Variants in WDFY1 observed in about 807,000 individuals in gnomAD.
The protein encoded by WDFY1 is WD repeat and FYVE domain containing 1.
In WDFY1, 32 loss-of-function variants were observed where a neutral mutation model predicts 56.4. The observed-to-expected ratio is 0.57, with a 90% CI of 0.43 to 0.76. The LOEUF is 0.76. WDFY1 is among the 30% of genes least tolerant of loss of function. The pLI is 0.00. For missense variants in WDFY1, 480 were observed against 545.7 expected (o/e 0.88, Z 1.20); for synonymous variants, 192 against 197.3 (o/e 0.97, Z 0.23).
intron 1 of WDFY1, among the ~76,000 whole-genome samples, chr2:223,937,093 G>A (rs895550322): frequency 6.6e-6 from 1 of 152,122 alleles, no homozygotes; most frequent in South Asian, 2.1e-4. Context: ...AATATAGCAG[G>A]GGAAAGATGT....
At chr2:223,929,652 T>TA (rs1215927576) in intron 1 of WDFY1, among the ~76,000 whole-genome samples, 4 of 151,860 alleles carry the variant, frequency 2.6e-5, no homozygotes, top group African/African-American at 4.8e-5. Context: ...TAAAAAAAAT[T>TA]TAAAAAAATA....
At chr2:223,926,181 C>T (rs1424421736) in intron 1 of WDFY1, among the ~76,000 whole-genome samples, 1 of 152,156 alleles carries the variant, frequency 6.6e-6, no homozygotes, top group Non-Finnish European at 1.5e-5. Context: ...GGGTCTCCCT[C>T]GGTTACTCAG....
chr2:223,896,396 A>C (rs1693377899), intron 6 of WDFY1, among the ~76,000 whole-genome samples: 1 of 152,140 alleles, frequency 6.6e-6, no homozygotes. Flanking sequence ...TTTTACCCCA[A>C]GATGTCTATG....
chr2:223,879,285 A>C (rs1261995719), intron 11 of WDFY1, among the ~76,000 whole-genome samples: 2 of 152,244 alleles, frequency 1.3e-5, no homozygotes, highest in Non-Finnish European at 2.9e-5. Context: ...AAATCATAAT[A>C]ATGTTTTAGT....
chr2:223,934,891 T>C (rs1306966928), intron 1 of WDFY1, among the ~76,000 whole-genome samples: 1 of 152,192 alleles, frequency 6.6e-6, no homozygotes, highest in Non-Finnish European at 1.5e-5. Flanking sequence ...GTAAGAGCTA[T>C]GAGGACAGAA....
chr2:223,911,236 G>A (rs748172943), intron 3 of WDFY1, among the ~76,000 whole-genome samples: 2 of 152,090 alleles, frequency 1.3e-5, no homozygotes, highest in Non-Finnish European at 2.9e-5. Flanking sequence ...AGGAGCTGGG[G>A]GAAGGGGCAA....
chr2:223,895,694 C>G, intron 6 of WDFY1, 64 bp from the exon 7 acceptor site: 1 of 1,585,766 alleles, frequency 6.3e-7, no homozygotes. Flanking sequence ...AACTCTACAT[C>G]AGGACGTATA....
chr2:223,897,672 G>A (rs1693421184), intron 6 of WDFY1, among the ~76,000 whole-genome samples: 1 of 151,998 alleles, frequency 6.6e-6, no homozygotes. Context: ...AAGCCAACGG[G>A]CCCAGCCTCT....
chr2:223,876,120 T>A lies in WDFY1; in HGVS notation c.*2551A>T, dbSNP rs1004145422. The A allele has an allele frequency of 2.5e-4, 38 of 152,522 alleles. No homozygotes were observed. Among genetic ancestry groups the A allele is most frequent in the African/African-American group, 8.4e-4 (35 of 41,426 alleles). 9.4% of individuals were successfully genotyped at this position (152,522 alleles called of 1,614,324 possible). A position where few individuals can be genotyped will look rare whatever the true frequency, so the allele number is the denominator to read the frequency against. ...TCATTTGAACTAAGAAAGAACAATT[T>A]TAAAACTTGTTTATAATGAAGAATC... On this transcript the variant is annotated 3_prime_UTR_variant, in exon 12 of 12. Transcript: ENST00000233055.
chr2:223,884,885 G>C, intron 8 of WDFY1, 136 bp from the exon 9 acceptor site: 1 of 691,182 alleles, frequency 1.4e-6, no homozygotes, highest in Non-Finnish European at 2.4e-6. Context: ...TGGTCTCCCA[G>C]GCTGGAGTGC....
chr2:223,922,611 A>T (rs886249134), intron 1 of WDFY1, among the ~76,000 whole-genome samples: 7 of 152,232 alleles, frequency 4.6e-5, no homozygotes, highest in African/African-American at 1.7e-4. Context: ...AAGGAAGAAC[A>T]GAATGCTGAC....
intron 8 of WDFY1, among the ~76,000 whole-genome samples, chr2:223,891,564 G>A (rs989934981): frequency 6.6e-6 from 1 of 151,946 alleles, no homozygotes; most frequent in African/African-American, 2.4e-5. Flanking sequence ...GCAGTGAATT[G>A]TGCACACAGG....
At chr2:223,884,473 A>G (rs1574757318) in intron 9 of WDFY1, among the ~76,000 whole-genome samples, 175 bp downstream of exon 9, 1 of 152,206 alleles carries the variant, frequency 6.6e-6, no homozygotes, top group South Asian at 2.1e-4. Flanking sequence ...TAACAGTCTC[A>G]CTGGCCCTGG....
chr2:223,881,982 G>A lies in WDFY1; in HGVS notation c.1024C>T (p.Arg342Trp), dbSNP rs529647195. Residue 342 changes from arginine to tryptophan, a missense_variant, in exon 10 of 12, where the codon CGG becomes TGG. Transcript: ENST00000233055. The part of the protein sequence containing the change: ...YPVMGFEFQV[R>W]VCDSCYDSIK... Reference sequence around the variant, plus strand: ...GAGTCGTAACAAGAATCACAAACCCGGACTTGGAACTCGAAGCCCATGACT... The same window carrying A: ...GAGTCGTAACAAGAATCACAAACCCAGACTTGGAACTCGAAGCCCATGACT... The A allele has an allele frequency of 5.6e-6, 9 of 1,613,992 alleles. No homozygotes were observed. The highest frequency in any genetic ancestry group is 2.7e-5 in the African/African-American group (2 of 75,018).
chr2:223,895,153 C>T (rs1345875104), intron 7 of WDFY1, among the ~76,000 whole-genome samples: 1 of 152,202 alleles, frequency 6.6e-6, no homozygotes, highest in Non-Finnish European at 1.5e-5. Context: ...TTACATGCAA[C>T]CTTCCATGGT....
At chr2:223,906,204 A>T (rs979474908) in intron 3 of WDFY1, among the ~76,000 whole-genome samples, 1 of 152,198 alleles carries the variant, frequency 6.6e-6, no homozygotes, top group Admixed American at 6.5e-5. Flanking sequence ...AACAGACCGA[A>T]TTGAATAAAG....
chr2:223,941,914 T>G (rs1467145199), intron 1 of WDFY1, among the ~76,000 whole-genome samples: 1 of 152,084 alleles, frequency 6.6e-6, no homozygotes, highest in Non-Finnish European at 1.5e-5. Context: ...TCTCATGAAG[T>G]GTAGCACCTA....
chr2:223,916,064 A>G (rs1693782335), intron 2 of WDFY1, among the ~76,000 whole-genome samples: 1 of 152,240 alleles, frequency 6.6e-6, no homozygotes, highest in Non-Finnish European at 1.5e-5. Context: ...CTTATGTATT[A>G]TAAGCCTTTA....
intron 2 of WDFY1, among the ~76,000 whole-genome samples, chr2:223,914,531 G>A (rs2106090533): frequency 6.6e-6 from 1 of 152,284 alleles, no homozygotes; most frequent in Admixed American, 6.5e-5. Context: ...TGCATGATAG[G>A]AAGGCAGAAT....
Sources: allele counts gnomAD v4.1 joint callset (sites outside exome capture counted in the v4.1 genomes callset), GRCh38; gene constraint gnomAD v4.1.1; transcripts MANE v1.5; gene names NCBI Gene and HGNC (gene_info 2026-07-23, HGNC 2026-07-21).